Variants in CACNA1A observed in about 807,000 individuals in gnomAD.
The protein encoded by CACNA1A is calcium voltage-gated channel subunit alpha1 A.
CACNA1A carries 57 observed loss-of-function variants against 262.4 expected under a neutral mutation model. The observed-to-expected ratio is 0.22, with a 90% CI of 0.18 to 0.27. The LOEUF (loss-of-function observed/expected upper bound fraction) is 0.27, where lower values mean the gene tolerates loss of function less well. CACNA1A is among the 10% of genes least tolerant of loss of function. The pLI is 1.00. For synonymous variants in CACNA1A, 1,431 were observed against 1,419.3 expected (o/e 1.01, Z -0.18); for missense variants, 2,526 against 3,562.8 (o/e 0.71, Z 7.41).
chr19:13,506,091 TGCGCCCCGG>T lies in CACNA1A; in HGVS notation c.125_133del (p.Pro42_Ala44del). The stretch of plus-strand genomic sequence containing the variant: ...CGCCATTGACTGCTTGTACATCCTT[TGCGCCCCGG>T]GCTGCCCGCCCTGCCGGCTGCCCCC... On this transcript the variant is annotated inframe_deletion, in exon 1 of 47. Coordinates refer to ENST00000360228, the MANE Select transcript of CACNA1A (RefSeq NM_001127222.2). 6.2e-7 allele frequency: 1 copy of T among 1,613,382 alleles called. No homozygotes were observed. Among genetic ancestry groups the T allele is most frequent in the Non-Finnish European group, 8.5e-7 (1 of 1,179,704 alleles).
chr19:13,214,263 G>A lies in CACNA1A; in HGVS notation c.5910C>T (p.Ala1970=), dbSNP rs1425360197. Residue 1970 remains alanine (A), a synonymous_variant, in exon 40 of 47, where the codon GCC becomes GCT. Coordinates refer to ENST00000360228, the MANE Select transcript of CACNA1A (RefSeq NM_001127222.2). This position sits in a 1 kb window ranked among gnomAD's most constrained non-coding sequence, Gnocchi z 4.1. ...CCTCGCGCATGGCCTGCAGCTTCTT[G>A]GCCTTGCTCTGCCGGTAGTACTCCA... ...MIMEYYRQSK[A]KKLQAMREEQ... is the part of the protein sequence containing the mutation. 6.2e-7 allele frequency: 1 copy of A among 1,611,440 alleles called. No homozygotes were observed. Among genetic ancestry groups the A allele is most frequent in the South Asian group, 1.1e-5 (1 of 91,064 alleles).
intron 24 of CACNA1A, chr19:13,263,237 G>A (rs574668879): frequency 5.4e-5 from 10 of 183,986 alleles, no homozygotes; most frequent in East Asian, 4.5e-4. Flanking sequence ...GCACGATCTC[G>A]GCTCACTGCA....
At chr19:13,269,646 C>T (rs950205840) in intron 24 of CACNA1A, among the ~76,000 whole-genome samples, 1 of 152,196 alleles carries the variant, frequency 6.6e-6, no homozygotes, top group African/African-American at 2.4e-5. Flanking sequence ...CATGATCTGC[C>T]AGCTGCTGAG....
intron 3 of CACNA1A, among the ~76,000 whole-genome samples, chr19:13,448,487 C>T (rs1186837940): frequency 6.6e-6 from 1 of 152,014 alleles, no homozygotes; most frequent in Non-Finnish European, 1.5e-5. Context: ...TGCACTTGTA[C>T]CCCTAAACTT....
At chr19:13,313,616 T>C (rs2058076745) in intron 11 of CACNA1A, among the ~76,000 whole-genome samples, 2 of 151,984 alleles carry the variant, frequency 1.3e-5, no homozygotes, top group Non-Finnish European at 2.9e-5. Context: ...CTCCATCTTG[T>C]AGTTTTTGCC....
Position 13,230,219 on chromosome 19 carries a change from C to A in CACNA1A, c.5401-10G>T, listed in dbSNP as rs370129945. ...CAAAGAGATTCAGCATCTGTGGGGA[C>A]CCCGGGGACCAAGAGAGAATGGGGG... is the stretch of plus-strand genomic sequence containing the variant. On this transcript the variant is annotated splice_polypyrimidine_tract_variant and intron_variant, in intron 35 of 46. Transcript: ENST00000360228. 3.7e-6 allele frequency: 6 copies of A among 1,613,370 alleles called. No individual in the cohort carries two copies. In the African/African-American group the frequency reaches 8.0e-5, roughly 22 times the overall value.
chr19:13,363,711 TAAGG>T (rs888177382), intron 5 of CACNA1A: 2 of 152,082 alleles, frequency 1.3e-5, no homozygotes, highest in Non-Finnish European at 2.9e-5. Context: ...CTTTCCCAAA[TAAGG>T]GGCCTGAAAC....
chr19:13,416,499 G>C (rs1413255589), intron 3 of CACNA1A, among the ~76,000 whole-genome samples: 2 of 152,068 alleles, frequency 1.3e-5, no homozygotes, highest in African/African-American at 4.8e-5. Flanking sequence ...TAGCCAACAT[G>C]GTGAAACCCT....
intron 3 of CACNA1A, among the ~76,000 whole-genome samples, chr19:13,380,398 C>G (rs2059498363): frequency 6.6e-6 from 1 of 151,036 alleles, no homozygotes; most frequent in African/African-American, 2.4e-5. Flanking sequence ...GTAATCCCAG[C>G]ACTTTGGGAG....
At chr19:13,337,598 G>T (rs1044697779) in intron 6 of CACNA1A, among the ~76,000 whole-genome samples, 8 of 152,142 alleles carry the variant, frequency 5.3e-5, no homozygotes, top group Non-Finnish European at 1.2e-4. Flanking sequence ...ACATTCTGAG[G>T]TACTGGGGGT....
intron 10 of CACNA1A, among the ~76,000 whole-genome samples, chr19:13,325,878 A>C (rs2058352009): frequency 6.6e-6 from 1 of 152,234 alleles, no homozygotes; most frequent in Non-Finnish European, 1.5e-5. Context: ...ATGCATTATT[A>C]CATATGCTTA....
At chr19:13,341,565 T>C (rs7257076) in intron 6 of CACNA1A, among the ~76,000 whole-genome samples, 106,109 of 151,958 alleles carry the variant, frequency 0.7, 37,161 homozygotes, top group Admixed American at 0.77. Context: ...CCTTGCAGTT[T>C]CTCAACCACG....
At chr19:13,443,149 A>G (rs2060753128) in intron 3 of CACNA1A, among the ~76,000 whole-genome samples, 1 of 151,988 alleles carries the variant, frequency 6.6e-6, no homozygotes, top group South Asian at 2.1e-4. Context: ...CTTGATCTTA[A>G]ACTTTCCAGT....
chr19:13,336,965 A>G (rs189535557), intron 6 of CACNA1A, among the ~76,000 whole-genome samples: 33 of 152,376 alleles, frequency 2.2e-4, no homozygotes, highest in Admixed American at 1.4e-3. Flanking sequence ...TGACACCTGC[A>G]GAATGCAGGG....
intron 15 of CACNA1A, chr19:13,307,563 C>T (rs1040277615): frequency 1.5e-5 from 8 of 542,992 alleles, no homozygotes; most frequent in Admixed American, 3.2e-5. Flanking sequence ...TGTGAGCCAC[C>T]GTGCCCAGCC....
intron 43 of CACNA1A, chr19:13,211,878 G>A: frequency 1.9e-6 from 1 of 527,244 alleles, no homozygotes; most frequent in Non-Finnish European, 3.4e-6. Flanking sequence ...TGCCCCAGGG[G>A]GAGCACTTTC....
intron 3 of CACNA1A, among the ~76,000 whole-genome samples, chr19:13,398,232 T>C (rs975231334): frequency 4.6e-5 from 7 of 150,664 alleles, no homozygotes; most frequent in South Asian, 2.1e-4. Context: ...ATTGCACTCA[T>C]GCCTGGAGGA....
At chr19:13,293,832 A>AGG (rs1388778059) in intron 19 of CACNA1A, among the ~76,000 whole-genome samples, 1 of 112,358 alleles carries the variant, frequency 8.9e-6, no homozygotes, top group Non-Finnish European at 1.8e-5. Flanking sequence ...ATGGAGGCCC[A>AGG]GAGAGGAGTG....
chr19:13,397,734 G>A (rs925635055), intron 3 of CACNA1A, among the ~76,000 whole-genome samples: 14 of 152,144 alleles, frequency 9.2e-5, no homozygotes, highest in African/African-American at 2.7e-4. Flanking sequence ...AGTGGGTGCC[G>A]CCATGTAAGC....
Sources: allele counts gnomAD v4.1 joint callset (sites outside exome capture counted in the v4.1 genomes callset), GRCh38; gene constraint gnomAD v4.1.1; non-coding constraint Gnocchi (gnomAD v3.1); transcripts MANE v1.5; gene names NCBI Gene and HGNC (gene_info 2026-07-23, HGNC 2026-07-21).